Variants in CLOCK observed in about 807,000 individuals in gnomAD.
CLOCK encodes circadian locomoter output cycles protein kaput.
CLOCK carries 43 observed loss-of-function variants against 118.4 expected under a neutral mutation model. That is an observed-to-expected ratio of 0.36 (90% CI 0.28 to 0.47). The LOEUF (loss-of-function observed/expected upper bound fraction) is 0.47. Among genes scored for constraint, CLOCK ranks in the 20% least tolerant of loss-of-function variants. The pLI is 1.00. For missense variants in CLOCK, 846 were observed against 999.9 expected (o/e 0.85, Z 2.08); for synonymous variants, 326 against 339.2 (o/e 0.96, Z 0.43).
intron 1 of CLOCK, among the ~76,000 whole-genome samples, chr4:55,544,890 G>A (rs886794230): frequency 1.3e-5 from 2 of 152,052 alleles, no homozygotes; most frequent in African/African-American, 4.8e-5. Flanking sequence ...CCCTTAAGAT[G>A]TAACACACTA....
At chr4:55,509,413 T>C (rs539633586) in intron 2 of CLOCK, among the ~76,000 whole-genome samples, 2 of 152,264 alleles carry the variant, frequency 1.3e-5, no homozygotes, top group East Asian at 1.9e-4. Context: ...CATTTACAAA[T>C]GCAAACACCA....
chr4:55,517,799 T>C (rs1488941), intron 1 of CLOCK, among the ~76,000 whole-genome samples: 31,411 of 152,082 alleles, frequency 0.21, 3,423 homozygotes, highest in Non-Finnish European at 0.23. Context: ...ATAGTAGTAG[T>C]AGAATGTTGG....
intron 21 of CLOCK, chr4:55,442,176 G>T: frequency 4.4e-6 from 2 of 458,612 alleles, no homozygotes; most frequent in South Asian, 2.6e-5. Context: ...TTTTCTAACA[G>T]TGTGCTGCAG....
rs1728761006 is a variant in CLOCK at position 55,505,808 on chromosome 4, C to T, written c.-136+4104G>A. ...ATAGTTCAAAGAGCTTCTACATATC[C>T]TTTATCCTGATTTGACCAACTGTCA... is the stretch of plus-strand genomic sequence containing the variant. On this transcript the variant is annotated intron_variant, in intron 2 of 22. Coordinates refer to ENST00000513440, the MANE Select transcript of CLOCK (RefSeq NM_004898.4). 4.3e-5 allele frequency among the ~76,000 whole-genome samples: 4 copies of T among 93,616 alleles called. No homozygotes were observed. In the South Asian group the frequency reaches 1.3e-3, roughly 31 times the overall value. The allele number at this position is 93,616 out of a possible 152,430, so 61.4% of individuals were successfully genotyped here.
intron 1 of CLOCK, among the ~76,000 whole-genome samples, chr4:55,519,226 A>G (rs1729704057): frequency 6.6e-6 from 1 of 151,994 alleles, no homozygotes; most frequent in African/African-American, 2.4e-5. Context: ...CAATTTTTAA[A>G]AAAAGTTTTT....
chr4:55,508,816 T>C (rs1409891489), intron 2 of CLOCK, among the ~76,000 whole-genome samples: 1 of 152,164 alleles, frequency 6.6e-6, no homozygotes, highest in Non-Finnish European at 1.5e-5. Context: ...ATGGTCTCGA[T>C]ATCCTGACCT....
intron 6 of CLOCK, among the ~76,000 whole-genome samples, chr4:55,476,852 T>C (rs1482876243): frequency 6.6e-6 from 1 of 152,152 alleles, no homozygotes; most frequent in Non-Finnish European, 1.5e-5. Context: ...AATAAAAATC[T>C]ATGTCATAGA....
chr4:55,476,052 T>C lies in CLOCK; in HGVS notation c.259A>G (p.Ile87Val), dbSNP rs1726489749. Residue 87 changes from isoleucine (I) to valine (V), a missense_variant and splice_region_variant, in exon 7 of 23, where the codon ATC becomes GTC. Physicochemically the swap from Ile to Val is conservative, Grantham distance 29. Around this residue, in one of 4 missense-constraint regions of CLOCK, gnomAD observed 246 missense variants for 300.2 expected, o/e 0.82. Coordinates refer to ENST00000513440, the MANE Select transcript of CLOCK (RefSeq NM_004898.4). ...SIDFLRKHKE[I>V]TAQSDASEIR... ...TCACTAGCATCTGACTGTGCAGTGA[T>C]TTCTGTAAACAGATTGACATATTAG... The C allele has an allele frequency of 1.2e-6, 2 of 1,609,394 alleles. No individual in the cohort carries two copies. The highest frequency in any genetic ancestry group is 1.7e-6 in the Non-Finnish European group (2 of 1,176,208).
chr4:55,444,184 T>G (rs1368310404), intron 19 of CLOCK, among the ~76,000 whole-genome samples: 2 of 152,168 alleles, frequency 1.3e-5, no homozygotes, highest in African/African-American at 4.8e-5. Context: ...CACACAGAAG[T>G]AGTTTTCACT....
At chr4:55,454,854 AC>A (rs1724800990) in intron 13 of CLOCK, among the ~76,000 whole-genome samples, 1 of 83,630 alleles carries the variant, frequency 1.2e-5, no homozygotes, top group Admixed American at 1.4e-4. Context: ...CTGTCCCCCC[AC>A]CCCCCAACCC....
chr4:55,471,286 T>C (rs184156635), intron 7 of CLOCK, among the ~76,000 whole-genome samples: 15 of 152,180 alleles, frequency 9.9e-5, no homozygotes, highest in Admixed American at 9.8e-4. Flanking sequence ...GAAATTAAGG[T>C]GAAAAATTAG....
intron 21 of CLOCK, 158 bp downstream of exon 21, chr4:55,442,274 T>C (rs1723431286): frequency 2.9e-6 from 2 of 694,850 alleles, no homozygotes; most frequent in Non-Finnish European, 4.8e-6. Flanking sequence ...CTTTAAACAA[T>C]GAATACATTC....
intron 1 of CLOCK, among the ~76,000 whole-genome samples, chr4:55,543,582 G>A (rs1284193830): frequency 6.6e-6 from 1 of 152,050 alleles, no homozygotes; most frequent in African/African-American, 2.4e-5. Flanking sequence ...GATGTAAAGG[G>A]GTTGTCACTT....
intron 2 of CLOCK, among the ~76,000 whole-genome samples, chr4:55,493,818 T>A (rs1299660678): frequency 2.6e-5 from 4 of 152,140 alleles, no homozygotes; most frequent in African/African-American, 9.7e-5. Flanking sequence ...CCAAACCAGT[T>A]TTATGAACCA....
chr4:55,470,808 T>A lies in CLOCK; in HGVS notation c.349-2A>T. 1 of 1,596,322 alleles carries A rather than the reference T, an allele frequency of 6.3e-7. No homozygotes were observed. ...TGCTAAAAAAAAACCATCAAGAGCC[T>A]GAAATTAAACATAATGATATGTTAA... On this transcript the variant is annotated splice_acceptor_variant, in intron 7 of 22. Transcript: ENST00000513440. LOFTEE classifies it high-confidence loss of function.
chr4:55,466,694 A>T (rs1725759924), intron 8 of CLOCK, among the ~76,000 whole-genome samples: 1 of 152,126 alleles, frequency 6.6e-6, no homozygotes, highest in Non-Finnish European at 1.5e-5. Context: ...CTGCCCCAAC[A>T]ATTCTGCCTC....
chr4:55,507,912 A>C (rs992316462), intron 2 of CLOCK, among the ~76,000 whole-genome samples: 3 of 152,202 alleles, frequency 2.0e-5, no homozygotes, highest in African/African-American at 7.2e-5. Flanking sequence ...GTAATTTAGC[A>C]AACCACCAAG....
chr4:55,443,649 C>A (rs1723550674), intron 20 of CLOCK, 38 bp downstream of exon 20: 1 of 1,527,258 alleles, frequency 6.5e-7, no homozygotes, highest in South Asian at 1.1e-5. Flanking sequence ...CTTCCAACCA[C>A]TGATCACTCC....
chr4:55,469,708 T>C lies in CLOCK; in HGVS notation c.438+1009A>G, dbSNP rs1042912753. Among the ~76,000 whole-genome samples, 4 of 152,196 alleles carry C rather than the reference T, an allele frequency of 2.6e-5. No individual in the cohort carries two copies. In the East Asian group the frequency reaches 5.8e-4, roughly 22 times the overall value. On this transcript the variant is annotated intron_variant, in intron 8 of 22. Transcript: ENST00000513440. Reference sequence around the variant, plus strand: ...AAGGAAATATTTTTGTACAGCTATATGATATATTTGTGTTTCTGAGGCAGG... The same window carrying C: ...AAGGAAATATTTTTGTACAGCTATACGATATATTTGTGTTTCTGAGGCAGG...
Sources: gnomAD v4.1 joint callset for allele counts (sites outside exome capture counted in the v4.1 genomes callset) on GRCh38, gnomAD v4.1.1 for gene constraint, gnomAD v4.1.1 regional missense constraint, MANE v1.5 for transcripts, NCBI Gene and HGNC (gene_info 2026-07-23, HGNC 2026-07-21) for gene names.